DOCK1: variants seen among roughly 807,000 people sequenced by gnomAD.
DOCK1 encodes dedicator of cytokinesis protein 1.
DOCK1 carries 138 observed loss-of-function variants against 262.7 expected under a neutral mutation model. The ratio of observed to expected loss-of-function variants is 0.53; its 90% CI spans 0.46 to 0.61. The LOEUF is 0.61. Ranked by LOEUF, DOCK1 falls within the 20% of genes least tolerant of loss-of-function variation. The pLI, the probability that DOCK1 is intolerant of heterozygous loss-of-function variation, is 0.00. For missense variants in DOCK1, 1,908 were observed against 2,370.7 expected, an observed-to-expected ratio of 0.80 and a Z score of 4.05; for synonymous variants, 866 against 867.4, an observed-to-expected ratio of 1.00 and a Z score of 0.03.
intron 27 of DOCK1, among the ~76,000 whole-genome samples, chr10:127,236,566 TTGTC>T (rs1391196177): frequency 8.0e-5 from 12 of 150,624 alleles, no homozygotes; most frequent in Non-Finnish European, 1.8e-4. Flanking sequence ...TTTGTTTTAT[TTGTC>T]TGTCTGTCCT....
rs767955347 is a variant in DOCK1 at position 127,407,824 on chromosome 10, A to G, written c.4123-1213A>G. On this transcript the variant is annotated intron_variant, in intron 40 of 51. Transcript: ENST00000623213. ...CCTCAGCAACCACGCCCCGTCCTGG[A>G]AAGTGTTACCCCCCCAACCCCAGAC... Among the ~76,000 whole-genome samples, 15 of 151,828 alleles carry G rather than the reference A, an allele frequency of 9.9e-5. 1 individual carries two copies. In the South Asian group the frequency reaches 1.0e-3, roughly 11 times the overall value.
intron 27 of DOCK1, among the ~76,000 whole-genome samples, chr10:127,216,512 CT>C: frequency 6.6e-6 from 1 of 152,194 alleles, no homozygotes; most frequent in East Asian, 1.9e-4. Flanking sequence ...CAAGAGTGTT[CT>C]TGATGCGTGT....
At chr10:126,963,673 C>CCTT (rs2037453675) in intron 1 of DOCK1, among the ~76,000 whole-genome samples, 2 of 82,460 alleles carry the variant, frequency 2.4e-5, no homozygotes, top group African/African-American at 9.9e-5. Flanking sequence ...CTTCCTTCCT[C>CCTT]CCTCCCTTCC....
chr10:126,949,641 C>T (rs897819666), intron 1 of DOCK1, among the ~76,000 whole-genome samples: 1 of 152,078 alleles, frequency 6.6e-6, no homozygotes, highest in African/African-American at 2.4e-5. Context: ...ACTATAAATT[C>T]ATGTTAGACA....
chr10:127,148,062 C>T (rs2060534291), intron 27 of DOCK1, among the ~76,000 whole-genome samples: 1 of 149,088 alleles, frequency 6.7e-6, no homozygotes, highest in South Asian at 2.1e-4. Flanking sequence ...AAAAAAAATT[C>T]CACCTGTCCT....
At chr10:127,000,624 G>T (rs2040513631) in intron 10 of DOCK1, 1 of 283,990 alleles carries the variant, frequency 3.5e-6, no homozygotes, top group East Asian at 6.9e-5. Context: ...TCAGGTCTTG[G>T]TGATGGACAT....
At chr10:127,222,574 A>G (rs1282036428) in intron 27 of DOCK1, among the ~76,000 whole-genome samples, 4 of 152,072 alleles carry the variant, frequency 2.6e-5, no homozygotes, top group African/African-American at 9.7e-5. Context: ...TGGTTTCTGT[A>G]CATAGAGACC....
chr10:127,169,765 G>A (rs754532535), intron 27 of DOCK1, among the ~76,000 whole-genome samples: 5 of 152,166 alleles, frequency 3.3e-5, no homozygotes, highest in Non-Finnish European at 5.9e-5. Flanking sequence ...AGTAAACACA[G>A]ATGTCCATGA....
At chr10:127,302,337 A>G (rs1398527151) in intron 29 of DOCK1, among the ~76,000 whole-genome samples, 1 of 152,074 alleles carries the variant, frequency 6.6e-6, no homozygotes, top group African/African-American at 2.4e-5. Context: ...ACTGGACTAC[A>G]GGAGAGACCA....
intron 29 of DOCK1, among the ~76,000 whole-genome samples, chr10:127,294,201 T>C (rs889407970): frequency 1.3e-4 from 20 of 152,264 alleles, no homozygotes; most frequent in African/African-American, 4.1e-4. Flanking sequence ...GATATACTTA[T>C]AATGCAATAG....
intron 27 of DOCK1, among the ~76,000 whole-genome samples, chr10:127,167,723 CTGCCCG>C (rs2054208905): frequency 6.6e-6 from 1 of 152,140 alleles, no homozygotes; most frequent in African/African-American, 2.4e-5. Flanking sequence ...ATCAGCTCCC[CTGCCCG>C]TGACACCAAA....
At chr10:127,195,550 C>T (rs2057061404) in intron 27 of DOCK1, among the ~76,000 whole-genome samples, 1 of 150,382 alleles carries the variant, frequency 6.6e-6, no homozygotes, top group African/African-American at 2.4e-5. Flanking sequence ...ATCAGCCGTA[C>T]TTGTACTTTC....
intron 27 of DOCK1, among the ~76,000 whole-genome samples, chr10:127,150,975 G>C (rs1592242859): frequency 6.6e-6 from 1 of 152,186 alleles, no homozygotes; most frequent in South Asian, 2.1e-4. Context: ...TCAAATGGGA[G>C]ATTTCAATTC....
chr10:127,185,058 G>C (rs530602317), intron 27 of DOCK1, among the ~76,000 whole-genome samples: 1 of 152,310 alleles, frequency 6.6e-6, no homozygotes, highest in Admixed American at 6.5e-5. Flanking sequence ...AGTGCTCCCT[G>C]GGGAGTCAGG....
At chr10:126,959,148 T>C (rs36159639) in intron 1 of DOCK1, among the ~76,000 whole-genome samples, 7,471 of 152,248 alleles carry the variant, frequency 0.049, 272 homozygotes, top group African/African-American at 0.097. Flanking sequence ...AAGATAAAGA[T>C]TGTGGAGACC....
chr10:127,096,237 A>C (rs1592007567), intron 23 of DOCK1, among the ~76,000 whole-genome samples: 1 of 152,268 alleles, frequency 6.6e-6, no homozygotes, highest in Non-Finnish European at 1.5e-5. Context: ...TCCTTTCTTC[A>C]GCCGCCTCCG....
At chr10:127,351,288 C>G (rs892732899) in intron 31 of DOCK1, among the ~76,000 whole-genome samples, 2 of 152,116 alleles carry the variant, frequency 1.3e-5, no homozygotes, top group African/African-American at 4.8e-5. Flanking sequence ...AGCACGGTGA[C>G]CCCAGCTCTA....
chr10:126,926,745 G>A (rs1042262898), intron 1 of DOCK1, among the ~76,000 whole-genome samples: 2 of 152,206 alleles, frequency 1.3e-5, no homozygotes, highest in Admixed American at 6.5e-5. Flanking sequence ...AGAAGTGGGC[G>A]TTACACGGCC....
intron 1 of DOCK1, among the ~76,000 whole-genome samples, chr10:126,968,004 C>T (rs1313317052): frequency 1.3e-5 from 2 of 151,910 alleles, no homozygotes; most frequent in African/African-American, 4.8e-5. Flanking sequence ...TTAGTAGAGA[C>T]GGGGTTTTGC....
Sources: allele counts gnomAD v4.1 joint callset (sites outside exome capture counted in the v4.1 genomes callset), GRCh38; gene constraint gnomAD v4.1.1; transcripts MANE v1.5; gene names NCBI Gene and HGNC (gene_info 2026-07-23, HGNC 2026-07-21).